RBM26: variants seen among roughly 807,000 people sequenced by gnomAD.
The protein encoded by RBM26 is RNA-binding protein 26.
Under a neutral mutation model 123.6 loss-of-function variants are expected in RBM26, and 30 were observed. The ratio of observed to expected loss-of-function variants is 0.24; its 90% CI spans 0.18 to 0.33. RBM26 has a LOEUF of 0.33. Among genes scored for constraint, RBM26 ranks in the 10% least tolerant of loss-of-function variants. RBM26 has a pLI of 1.00. For synonymous variants in RBM26, 400 were observed against 404.4 expected (o/e 0.99, Z 0.13); for missense variants, 947 against 1,203.6 (o/e 0.79, Z 3.15).
chr13:79,341,068 A>G, intron 18 of RBM26, 55 bp downstream of exon 18: 1 of 968,948 alleles, frequency 1.0e-6, no homozygotes. Context: ...TAAATTGACC[A>G]CTACAACTAC....
chr13:79,402,461 T>A (rs1175428247), intron 1 of RBM26, among the ~76,000 whole-genome samples: 1 of 148,372 alleles, frequency 6.7e-6, no homozygotes, highest in African/African-American at 2.5e-5. Context: ...TAAACATCCA[T>A]CTGAAAACCC....
chr13:79,317,266 C>A (rs1162412129), downstream of RBM26, among the ~76,000 whole-genome samples: 1 of 151,672 alleles, frequency 6.6e-6, no homozygotes, highest in South Asian at 2.1e-4. Flanking sequence ...TAACCAAATC[C>A]AAGTTGTTTC....
chr13:79,396,836 C>G (rs2078609365), intron 1 of RBM26, among the ~76,000 whole-genome samples: 1 of 152,136 alleles, frequency 6.6e-6, no homozygotes, highest in Non-Finnish European at 1.5e-5. Context: ...CCATGTAATA[C>G]ACCATATTAA....
At position 79,319,989 on chromosome 13, in the gene RBM26, T is replaced by TA; in HGVS notation, c.*631_*632insT. 1 of 778,994 alleles carries TA rather than the reference T, an allele frequency of 1.3e-6. No individual in the cohort carries two copies. The highest frequency in any genetic ancestry group is 2.1e-5 in the African/African-American group (1 of 48,178). 48.3% of individuals were successfully genotyped at this position (778,994 alleles called of 1,614,324 possible). On this transcript the variant is annotated 3_prime_UTR_variant, in exon 22 of 22. Coordinates refer to ENST00000438737, the MANE Select transcript of RBM26 (RefSeq NM_001366735.2). Reference sequence around the variant, plus strand: ...TTTTTTTGTCATTGCTTTTCTCTTTTCTTTCCTTTTTTTTTTTTAAAGAGA... The same window carrying TA: ...TTTTTTTGTCATTGCTTTTCTCTTTTACTTTCCTTTTTTTTTTTTAAAGAGA...
intron 1 of RBM26, among the ~76,000 whole-genome samples, chr13:79,398,324 T>A (rs1014439034): frequency 1.3e-5 from 2 of 152,174 alleles, no homozygotes; most frequent in Non-Finnish European, 2.9e-5. Flanking sequence ...ACAGTCCCTA[T>A]CTCTCAGTTT....
At chr13:79,321,570 C>T (rs1317434585) in intron 21 of RBM26, among the ~76,000 whole-genome samples, 4 of 151,268 alleles carry the variant, frequency 2.6e-5, no homozygotes, top group Non-Finnish European at 4.4e-5. Flanking sequence ...TTCACTGGCC[C>T]GTACCTCTTA....
intron 18 of RBM26, among the ~76,000 whole-genome samples, chr13:79,339,142 A>T (rs2070954351): frequency 6.6e-6 from 1 of 152,222 alleles, no homozygotes; most frequent in Admixed American, 6.5e-5. Context: ...TAATAATGCC[A>T]AGTGAAATAA....
In RBM26 at chr13:79,374,444, G is replaced by A. The variant is rs371279140; in HGVS notation, c.328-2514C>T. Among the ~76,000 whole-genome samples, 3 of 152,082 alleles carry A rather than the reference G, an allele frequency of 2.0e-5. No individual in the cohort carries two copies. In the South Asian group the frequency reaches 6.2e-4, roughly 32 times the overall value. Reference sequence around the variant, plus strand: ...AGAGGTTGCAGTGAGCCACTATGGGGCCACGACACTCCAGCCTGGGCAATA... The same window carrying A: ...AGAGGTTGCAGTGAGCCACTATGGGACCACGACACTCCAGCCTGGGCAATA... On this transcript the variant is annotated intron_variant, in intron 3 of 21. Transcript: ENST00000438737.
Position 79,384,921 on chromosome 13 carries a change from G to T in RBM26, c.72-6014C>A, listed in dbSNP as rs765152834. Among the ~76,000 whole-genome samples the T allele has an allele frequency of 9.9e-5, 15 of 152,222 alleles. No individual in the cohort carries two copies. The Middle Eastern group carries it at 0.014, about 138-fold the overall frequency. On this transcript the variant is annotated intron_variant, in intron 1 of 21. Coordinates refer to ENST00000438737, the MANE Select transcript of RBM26 (RefSeq NM_001366735.2). ...ATATTTCAAAAAGTTTGTTTTGCAC[G>T]AGTTTCTTGGAGACTTTAGAAATTC...
chr13:79,378,707 T>A, intron 2 of RBM26, 82 bp downstream of exon 2: 1 of 795,794 alleles, frequency 1.3e-6, no homozygotes, highest in East Asian at 2.9e-5. Flanking sequence ...CCCAAAGTGC[T>A]AGGATTACAG....
chr13:79,348,540 A>C (rs1478962788), intron 14 of RBM26, among the ~76,000 whole-genome samples: 1 of 152,150 alleles, frequency 6.6e-6, no homozygotes, highest in African/African-American at 2.4e-5. Context: ...ATTAAATACA[A>C]ATATAGTTAT....
At position 79,340,607 on chromosome 13, in the gene RBM26, A is replaced by C. The variant is rs942978546; in HGVS notation, c.2532+516T>G. 3.9e-5 allele frequency among the ~76,000 whole-genome samples: 6 copies of C among 151,964 alleles called. No individual in the cohort carries two copies. The East Asian group carries it at 1.2e-3, about 29-fold the overall frequency. ...TATAACAGGAATCAATTTCACTAGG[A>C]GTTGTTTCTTATATAAATAACCATC... On this transcript the variant is annotated intron_variant, in intron 18 of 21. Coordinates refer to ENST00000438737, the MANE Select transcript of RBM26 (RefSeq NM_001366735.2).
At chr13:79,324,716 A>G (rs1269650416) in intron 20 of RBM26, among the ~76,000 whole-genome samples, 1 of 151,738 alleles carries the variant, frequency 6.6e-6, no homozygotes, top group African/African-American at 2.4e-5. Flanking sequence ...TTTTTTTTAA[A>G]TCCCTAGGAT....
At chr13:79,362,376 G>C (rs2074798177) in intron 9 of RBM26, among the ~76,000 whole-genome samples, 1 of 151,976 alleles carries the variant, frequency 6.6e-6, no homozygotes. Context: ...CCCTAGCCCA[G>C]CTACTATCAC....
intron 1 of RBM26, 99 bp downstream of exon 1, chr13:79,405,605 T>G (rs2079465576): frequency 1.4e-6 from 1 of 738,000 alleles, no homozygotes; most frequent in South Asian, 2.3e-5. Context: ...GTTCACCGCT[T>G]CGGCCTCCAC....
At chr13:79,370,157 A>G (rs9530904) in intron 5 of RBM26, among the ~76,000 whole-genome samples, 54,788 of 151,976 alleles carry the variant, frequency 0.36, 11,586 homozygotes, top group Middle Eastern at 0.52. Flanking sequence ...CTCTACCAAA[A>G]ATACAAAAAT....
At chr13:79,331,547 T>C (rs1334871995) in intron 20 of RBM26, among the ~76,000 whole-genome samples, 1 of 150,004 alleles carries the variant, frequency 6.7e-6, no homozygotes, top group Non-Finnish European at 1.5e-5. Context: ...GGCAGGAGAA[T>C]GGCATGAAGC....
At chr13:79,380,913 C>T (rs1205271632) in intron 1 of RBM26, among the ~76,000 whole-genome samples, 2 of 152,018 alleles carry the variant, frequency 1.3e-5, no homozygotes, top group Non-Finnish European at 2.9e-5. Flanking sequence ...TTAACAATGT[C>T]AGGACGGGAA....
chr13:79,404,545 G>C (rs1440606850), intron 1 of RBM26, among the ~76,000 whole-genome samples: 1 of 152,114 alleles, frequency 6.6e-6, no homozygotes, highest in Non-Finnish European at 1.5e-5. Context: ...CCAACTTGTT[G>C]CCTTTATATC....
Sources: gnomAD v4.1 joint callset for allele counts (sites outside exome capture counted in the v4.1 genomes callset) on GRCh38, gnomAD v4.1.1 for gene constraint, MANE v1.5 for transcripts, NCBI Gene and HGNC (gene_info 2026-07-23, HGNC 2026-07-21) for gene names.